BARX2: variants seen among roughly 807,000 people sequenced by gnomAD.
BARX2 encodes the protein BARX homeobox 2.
A neutral mutation model predicts 25.5 loss-of-function variants in BARX2; 11 were observed. The ratio of observed to expected loss-of-function variants is 0.43; its 90% CI spans 0.27 to 0.71. The LOEUF (loss-of-function observed/expected upper bound fraction) is 0.71. Among genes scored for constraint, BARX2 ranks in the 30% least tolerant of loss-of-function variants. BARX2 has a pLI of 0.19. For missense variants in BARX2, 360 were observed against 359.9 expected, an observed-to-expected ratio of 1.00 and a Z score of 0.00; for synonymous variants, 137 against 149.5, an observed-to-expected ratio of 0.92 and a Z score of 0.61.
chr11:129,434,443 A>G (rs1271067177), intron 1 of BARX2, among the ~76,000 whole-genome samples: 2 of 139,554 alleles, frequency 1.4e-5, no homozygotes, highest in East Asian at 2.0e-4. Context: ...AAAAAAAAAA[A>G]AAACAGAGAC....
At chr11:129,433,155 C>T (rs748316081) in intron 1 of BARX2, among the ~76,000 whole-genome samples, 1 of 152,082 alleles carries the variant, frequency 6.6e-6, no homozygotes, top group Admixed American at 6.5e-5. Flanking sequence ...TGCTTTTTGC[C>T]CAGTCTTTCC....
At chr11:129,382,347 T>G (rs1211019665) in intron 1 of BARX2, among the ~76,000 whole-genome samples, 2 of 151,980 alleles carry the variant, frequency 1.3e-5, no homozygotes, top group African/African-American at 4.8e-5. Flanking sequence ...CCTGGCTAAT[T>G]TTTGTATTTT....
At chr11:129,396,141 CT>C (rs1299460487) in intron 1 of BARX2, among the ~76,000 whole-genome samples, 1 of 152,132 alleles carries the variant, frequency 6.6e-6, no homozygotes, top group African/African-American at 2.4e-5. Context: ...TCTGAGCTTC[CT>C]TCCAGCAAAG....
At chr11:129,443,911 A>ACCTGCCATAGGCTTCT (rs1862292822) in intron 3 of BARX2, among the ~76,000 whole-genome samples, 1 of 151,936 alleles carries the variant, frequency 6.6e-6, no homozygotes. Context: ...CCACCATGCC[A>ACCTGCCATAGGCTTCT]CCTGCCATAG....
chr11:129,380,251 T>G (rs2135382261), intron 1 of BARX2, among the ~76,000 whole-genome samples: 1 of 151,980 alleles, frequency 6.6e-6, no homozygotes, highest in Non-Finnish European at 1.5e-5. Context: ...TGGGGAAGGG[T>G]GTTTATCTTT....
intron 1 of BARX2, among the ~76,000 whole-genome samples, chr11:129,421,877 A>C (rs527936207): frequency 1.3e-5 from 2 of 152,222 alleles, no homozygotes; most frequent in South Asian, 4.2e-4. Flanking sequence ...TAATTTGGCA[A>C]ATTTGTATAC....
At chr11:129,407,155 C>G (rs1325927624) in intron 1 of BARX2, among the ~76,000 whole-genome samples, 1 of 152,204 alleles carries the variant, frequency 6.6e-6, no homozygotes, top group Non-Finnish European at 1.5e-5. Flanking sequence ...CCCACAGAGC[C>G]TCAGAGCCTC....
chr11:129,396,928 T>C lies in BARX2; in HGVS notation c.187+20706T>C, dbSNP rs57444170. Among the ~76,000 whole-genome samples, 761 of 152,286 alleles carry C rather than the reference T, an allele frequency of 5.0e-3. 4 individuals carry two copies. The highest frequency in any genetic ancestry group is 0.018 in the African/African-American group (738 of 41,552). ...AAATGAACTCCCATAAAGTAGAGGCTGAGTAGTTCTTGTCACCTTAGTGTC... is the reference window on the plus strand; with the variant it reads ...AAATGAACTCCCATAAAGTAGAGGCCGAGTAGTTCTTGTCACCTTAGTGTC... On this transcript the variant is annotated intron_variant, in intron 1 of 3. Coordinates refer to ENST00000281437, the MANE Select transcript of BARX2 (RefSeq NM_003658.5).
chr11:129,386,478 T>C (rs953113129), intron 1 of BARX2, among the ~76,000 whole-genome samples: 2 of 152,242 alleles, frequency 1.3e-5, no homozygotes, highest in African/African-American at 2.4e-5. Flanking sequence ...GTTCTCTTTA[T>C]AGTCCATAAT....
At chr11:129,448,059 A>T (rs1862352360) in intron 3 of BARX2, among the ~76,000 whole-genome samples, 1 of 152,176 alleles carries the variant, frequency 6.6e-6, no homozygotes, top group Non-Finnish European at 1.5e-5. Context: ...GTTGATGCGG[A>T]AAGGACAGTG....
intron 1 of BARX2, among the ~76,000 whole-genome samples, chr11:129,411,369 T>G (rs1861884939): frequency 1.2e-5 from 1 of 86,268 alleles, no homozygotes; most frequent in African/African-American, 6.1e-5. Flanking sequence ...AGACTCCATC[T>G]CCAAAAAAAA....
intron 1 of BARX2, among the ~76,000 whole-genome samples, chr11:129,412,680 C>T (rs1025298200): frequency 1.3e-5 from 2 of 152,190 alleles, no homozygotes; most frequent in African/African-American, 2.4e-5. Flanking sequence ...GGGGTGGTAA[C>T]GTCTAGCTGT....
intron 1 of BARX2, among the ~76,000 whole-genome samples, chr11:129,423,332 G>A (rs1013962664): frequency 1.3e-5 from 2 of 151,482 alleles, no homozygotes; most frequent in African/African-American, 4.9e-5. Flanking sequence ...GGCCAAGCTG[G>A]TCTCGAACTC....
chr11:129,429,065 T>G (rs1327813680), intron 1 of BARX2, among the ~76,000 whole-genome samples: 1 of 151,912 alleles, frequency 6.6e-6, no homozygotes. Context: ...GGAACCAAAT[T>G]GCCCAAATCT....
Position 129,451,151 on chromosome 11 carries a change from C to T in BARX2, c.589C>T (p.Gln197Ter), listed in dbSNP as rs1344055088. 2 of 1,613,920 alleles carry T rather than the reference C, an allele frequency of 1.2e-6. No homozygotes were observed. The highest frequency in any genetic ancestry group is 1.7e-5 in the Admixed American group (1 of 60,002). The part of the protein sequence containing the change: ...KWKKMVLKGG[Q>*]EAPTKPKGRP... ...ACTCACGTAGGTTCTTAAAGGTGGA[C>T]AGGAAGCACCCACAAAACCCAAAGG... is the stretch of plus-strand genomic sequence containing the variant. The change falls in exon 4 of 4, where the codon CAG becomes TAG. Residue 197 changes from glutamine (Q) to a stop codon, truncating the protein, a stop_gained. Transcript: ENST00000281437. LOFTEE classifies it high-confidence loss of function.
At chr11:129,398,193 A>T (rs1861741577) in intron 1 of BARX2, among the ~76,000 whole-genome samples, 1 of 152,184 alleles carries the variant, frequency 6.6e-6, no homozygotes, top group African/African-American at 2.4e-5. Context: ...TTTTGGACTT[A>T]CTGTTGCTCC....
At chr11:129,417,151 T>C (rs978465427) in intron 1 of BARX2, among the ~76,000 whole-genome samples, 1 of 152,180 alleles carries the variant, frequency 6.6e-6, no homozygotes, top group Non-Finnish European at 1.5e-5. Flanking sequence ...TCCACCCACC[T>C]TGGCCTCCCA....
chr11:129,431,744 G>A (rs1482077520), intron 1 of BARX2, among the ~76,000 whole-genome samples: 2 of 152,086 alleles, frequency 1.3e-5, no homozygotes, highest in Non-Finnish European at 2.9e-5. Flanking sequence ...TTTCTTAACA[G>A]TATCTTTTAC....
intron 1 of BARX2, among the ~76,000 whole-genome samples, chr11:129,417,696 C>T (rs1861960081): frequency 2.0e-5 from 3 of 152,128 alleles, no homozygotes; most frequent in South Asian, 2.1e-4. Flanking sequence ...CTGGGTTCTC[C>T]GATGCTGACT....
Sources: allele counts gnomAD v4.1 joint callset (sites outside exome capture counted in the v4.1 genomes callset), GRCh38; gene constraint gnomAD v4.1.1; transcripts MANE v1.5; gene names NCBI Gene and HGNC (gene_info 2026-07-23, HGNC 2026-07-21).